Variants in CDK14 observed in about 807,000 individuals in gnomAD.
CDK14 encodes the protein cyclin dependent kinase 14, also known as cyclin-dependent kinase 14.
A neutral mutation model predicts 60.7 loss-of-function variants in CDK14; 34 were observed. The observed-to-expected ratio is 0.56, with a 90% CI of 0.43 to 0.75. CDK14 has a LOEUF of 0.75. Ranked by LOEUF, CDK14 falls within the 30% of genes least tolerant of loss-of-function variation. CDK14 has a pLI of 0.00. For missense variants in CDK14, 482 were observed against 564.1 expected, an observed-to-expected ratio of 0.85 and a Z score of 1.47; for synonymous variants, 197 against 203.7, an observed-to-expected ratio of 0.97 and a Z score of 0.28.
chr7:90,752,662 AT>A (rs1803892486), intron 4 of CDK14, among the ~76,000 whole-genome samples: 1 of 152,148 alleles, frequency 6.6e-6, no homozygotes, highest in South Asian at 2.1e-4. Flanking sequence ...ACTAAAATCA[AT>A]GCAGAACTGA....
At chr7:91,019,371 A>G (rs995740336) in intron 10 of CDK14, among the ~76,000 whole-genome samples, 4 of 152,196 alleles carry the variant, frequency 2.6e-5, no homozygotes, top group Non-Finnish European at 4.4e-5. Flanking sequence ...AATTACACCA[A>G]ATAGATCTAG....
chr7:91,189,055 A>G (rs1251083595), intron 14 of CDK14, among the ~76,000 whole-genome samples: 1 of 152,100 alleles, frequency 6.6e-6, no homozygotes, highest in Admixed American at 6.5e-5. Context: ...CCTCTTCGTC[A>G]TTTTACTTCA....
At chr7:91,013,656 G>GTTTTTTTTTTTTT (rs56934476) in intron 10 of CDK14, among the ~76,000 whole-genome samples, 204 of 123,258 alleles carry the variant, frequency 1.7e-3, no homozygotes, top group African/African-American at 2.9e-3. Flanking sequence ...CATTGCCTCT[G>GTTTTTTTTTTTTT]TTTTTTTTTT....
chr7:90,860,497 GA>G (rs138670679), intron 5 of CDK14, among the ~76,000 whole-genome samples: 8,041 of 149,350 alleles, frequency 0.054, 334 homozygotes, highest in South Asian at 0.087. Flanking sequence ...CAAAGAATCT[GA>G]TTATGGGGAT....
At chr7:90,817,871 C>A (rs1262404078) in intron 5 of CDK14, among the ~76,000 whole-genome samples, 1 of 152,088 alleles carries the variant, frequency 6.6e-6, no homozygotes, top group African/African-American at 2.4e-5. Flanking sequence ...TATGTTAATA[C>A]ATTTGGATTA....
intron 2 of CDK14, among the ~76,000 whole-genome samples, chr7:90,650,619 T>C (rs1800612764): frequency 6.6e-6 from 1 of 152,208 alleles, no homozygotes; most frequent in Admixed American, 6.5e-5. Flanking sequence ...TAATCCATCT[T>C]GAATTAATTT....
intron 3 of CDK14, among the ~76,000 whole-genome samples, chr7:90,738,535 T>C (rs1803218447): frequency 6.6e-6 from 1 of 152,212 alleles, no homozygotes; most frequent in Non-Finnish European, 1.5e-5. Context: ...CGGTTCTCTA[T>C]ACTTTTATTC....
chr7:90,709,645 T>A, intron 2 of CDK14: 9 of 1,606,274 alleles, frequency 5.6e-6, no homozygotes, highest in Non-Finnish European at 7.7e-6. Flanking sequence ...AAAATTAGAT[T>A]TTTTGGAGAA....
intron 2 of CDK14, among the ~76,000 whole-genome samples, chr7:90,721,713 G>T (rs1802462434): frequency 6.6e-6 from 1 of 152,192 alleles, no homozygotes; most frequent in African/African-American, 2.4e-5. Flanking sequence ...GTTAGTAGTG[G>T]ATAAAAGGGC....
chr7:91,124,478 A>C (rs930532590), intron 14 of CDK14, among the ~76,000 whole-genome samples: 4 of 152,166 alleles, frequency 2.6e-5, no homozygotes, highest in African/African-American at 9.6e-5. Context: ...TTTTAAAATA[A>C]AAATAATAAA....
intron 8 of CDK14, among the ~76,000 whole-genome samples, chr7:90,933,192 ATTG>A (rs1238407184): frequency 6.6e-6 from 1 of 151,006 alleles, no homozygotes; most frequent in African/African-American, 2.4e-5. Flanking sequence ...ATTAGCCAGG[ATTG>A]CCTGAGCCCA....
At chr7:91,008,484 T>G (rs1796057844) in intron 10 of CDK14, among the ~76,000 whole-genome samples, 1 of 152,202 alleles carries the variant, frequency 6.6e-6, no homozygotes, top group Non-Finnish European at 1.5e-5. Flanking sequence ...GTTGTTAATT[T>G]TGCTCCTTCC....
intron 8 of CDK14, among the ~76,000 whole-genome samples, chr7:90,930,819 A>AT (rs558948795): frequency 6.6e-5 from 10 of 152,100 alleles, no homozygotes; most frequent in Non-Finnish European, 1.3e-4. Flanking sequence ...TGCAGGTCTC[A>AT]TTACCCCCTC....
chr7:91,094,612 T>A (rs1798927301), intron 12 of CDK14, among the ~76,000 whole-genome samples: 1 of 152,188 alleles, frequency 6.6e-6, no homozygotes, highest in South Asian at 2.1e-4. Flanking sequence ...TCAGTTATTT[T>A]GTAGTCTCAA....
intron 5 of CDK14, among the ~76,000 whole-genome samples, chr7:90,849,810 T>C (rs1361044315): frequency 6.6e-6 from 1 of 152,080 alleles, no homozygotes; most frequent in Non-Finnish European, 1.5e-5. Flanking sequence ...GATCTGGTTC[T>C]ACTGTAAATC....
intron 5 of CDK14, among the ~76,000 whole-genome samples, chr7:90,804,360 A>G (rs1029916860): frequency 2.6e-5 from 4 of 152,194 alleles, no homozygotes; most frequent in Non-Finnish European, 5.9e-5. Context: ...ATTATTCTCA[A>G]TGCATACATG....
intron 9 of CDK14, among the ~76,000 whole-genome samples, chr7:90,959,098 C>A (rs1794521604): frequency 6.6e-6 from 1 of 152,054 alleles, no homozygotes; most frequent in Non-Finnish European, 1.5e-5. Flanking sequence ...TGGACACTTT[C>A]TGCCAATTTG....
At chr7:91,041,336 T>C (rs1797085445) in intron 10 of CDK14, among the ~76,000 whole-genome samples, 1 of 152,112 alleles carries the variant, frequency 6.6e-6, no homozygotes, top group African/African-American at 2.4e-5. Flanking sequence ...GTTCCAAATG[T>C]TTTTCTCCCT....
chr7:90,630,991 T>C (rs749845983), intron 2 of CDK14, among the ~76,000 whole-genome samples: 4 of 152,024 alleles, frequency 2.6e-5, no homozygotes, highest in Non-Finnish European at 4.4e-5. Flanking sequence ...TTTTGGACTT[T>C]ATGTTGTTTT....
Sources: allele counts gnomAD v4.1 joint callset (sites outside exome capture counted in the v4.1 genomes callset), GRCh38; gene constraint gnomAD v4.1.1; transcripts MANE v1.5; gene names NCBI Gene and HGNC (gene_info 2026-07-23, HGNC 2026-07-21).